The following DLGAP2 variants were observed in gnomAD, a reference collection of about 807,000 sequenced individuals.
DLGAP2 encodes disks large-associated protein 2.
In DLGAP2, 26 loss-of-function variants were observed where a neutral mutation model predicts 100.3. The ratio of observed to expected loss-of-function variants is 0.26; its 90% CI spans 0.19 to 0.36. DLGAP2 has a LOEUF of 0.36. Among genes scored for constraint, DLGAP2 ranks in the 10% least tolerant of loss-of-function variants. The probability of loss-of-function intolerance (pLI) is 1.00; values close to 1 mark genes in which losing one functional copy is unlikely to be tolerated. For missense variants in DLGAP2, 1,858 were observed against 1,453.2 expected (o/e 1.28, Z -4.53); for synonymous variants, 886 against 630.1 (o/e 1.41, Z -6.08).
rs543841114 is a variant in DLGAP2, at chr8:1,658,805, A to G, written c.1811-9524A>G. 3.3e-5 allele frequency among the ~76,000 whole-genome samples: 5 copies of G among 152,010 alleles called. No individual in the cohort carries two copies. In the South Asian group the frequency reaches 8.3e-4, roughly 25 times the overall value. On this transcript the variant is annotated intron_variant, in intron 8 of 14. Coordinates refer to ENST00000637795, the MANE Select transcript of DLGAP2 (RefSeq NM_001346810.2). ...TTTTCCTGGATTCATTGATGTTTGG[A>G]AGGTTTTTTTGTGTCTCTATCTCCT...
chr8:1,156,639 G>GGCTCAGCGCCCCAGCCCAGCGCCCCA (rs1796796324), intron 2 of DLGAP2, among the ~76,000 whole-genome samples: 1 of 147,438 alleles, frequency 6.8e-6, no homozygotes, highest in East Asian at 2.0e-4. Flanking sequence ...CCAGCGCCCC[G>GGCTCAGCGCCCCAGCCCAGCGCCCCA]GCTCAGCGCC....
chr8:994,313 G>C (rs1284804709), intron 2 of DLGAP2, among the ~76,000 whole-genome samples: 5 of 152,138 alleles, frequency 3.3e-5, no homozygotes, highest in African/African-American at 9.7e-5. Flanking sequence ...CGATTCTCCT[G>C]CCTTAGCCTC....
At chr8:1,006,508 G>A (rs1801114362) in intron 2 of DLGAP2, among the ~76,000 whole-genome samples, 1 of 112,844 alleles carries the variant, frequency 8.9e-6, no homozygotes, top group Admixed American at 9.8e-5. Flanking sequence ...TCAAGTCTCA[G>A]GATGTGGTCC....
intron 2 of DLGAP2, among the ~76,000 whole-genome samples, chr8:1,208,703 T>C (rs905987304): frequency 6.6e-6 from 1 of 152,100 alleles, no homozygotes; most frequent in Non-Finnish European, 1.5e-5. Context: ...AGTTCACTGA[T>C]GATATGATTT....
intron 6 of DLGAP2, among the ~76,000 whole-genome samples, chr8:1,576,599 T>G (rs1286701910): frequency 3.3e-5 from 5 of 152,228 alleles, no homozygotes; most frequent in Non-Finnish European, 7.3e-5. Context: ...TTTATGGTTT[T>G]AGGTCTAACA....
At chr8:1,272,437 T>C (rs967613066) in intron 3 of DLGAP2, among the ~76,000 whole-genome samples, 1 of 151,938 alleles carries the variant, frequency 6.6e-6, no homozygotes, top group Non-Finnish European at 1.5e-5. Flanking sequence ...ATAGAAGTTA[T>C]GTACGTATCT....
At chr8:875,241 TTTAATA>T (rs1197718320) in intron 1 of DLGAP2, among the ~76,000 whole-genome samples, 1 of 152,178 alleles carries the variant, frequency 6.6e-6, no homozygotes, top group East Asian at 1.9e-4. Flanking sequence ...TCCATTCACA[TTTAATA>T]TTATCATTGA....
chr8:1,633,202 G>T (rs915311793), intron 8 of DLGAP2, among the ~76,000 whole-genome samples, 156 bp downstream of exon 8: 1 of 152,154 alleles, frequency 6.6e-6, no homozygotes, highest in Non-Finnish European at 1.5e-5. Context: ...TGTCACATTC[G>T]CAAGGGTGTT....
At chr8:963,458 A>C (rs566517098) in intron 2 of DLGAP2, among the ~76,000 whole-genome samples, 70 of 152,324 alleles carry the variant, frequency 4.6e-4, no homozygotes, top group African/African-American at 1.6e-3. Flanking sequence ...TATATGGTAC[A>C]TATATGCATT....
At chr8:1,312,026 G>T (rs932400711) in intron 3 of DLGAP2, among the ~76,000 whole-genome samples, 1 of 152,150 alleles carries the variant, frequency 6.6e-6, no homozygotes. Context: ...GCAATGACAG[G>T]GTTGAACTGA....
chr8:1,126,930 G>A (rs1360213212), intron 2 of DLGAP2, among the ~76,000 whole-genome samples: 5 of 151,616 alleles, frequency 3.3e-5, no homozygotes, highest in South Asian at 4.2e-4. Flanking sequence ...CGCTTGTGCC[G>A]GCCTTATGAG....
At chr8:1,170,323 A>G (rs1207006485) in intron 2 of DLGAP2, among the ~76,000 whole-genome samples, 22 of 151,910 alleles carry the variant, frequency 1.4e-4, no homozygotes, top group Non-Finnish European at 2.5e-4. Context: ...ATGTTCATCA[A>G]GGATATTGGT....
At chr8:957,289 G>A (rs1032980827) in intron 2 of DLGAP2, among the ~76,000 whole-genome samples, 2 of 152,250 alleles carry the variant, frequency 1.3e-5, no homozygotes, top group African/African-American at 4.8e-5. Flanking sequence ...TGGCACCACG[G>A]ATGACCCTGG....
chr8:1,358,610 C>T (rs149899556), intron 3 of DLGAP2, among the ~76,000 whole-genome samples: 121 of 152,276 alleles, frequency 7.9e-4, no homozygotes, highest in East Asian at 4.8e-3. Context: ...GTGAAAGCAG[C>T]GTTTGGACGG....
intron 3 of DLGAP2, among the ~76,000 whole-genome samples, chr8:1,485,549 C>T (rs970184405): frequency 1.3e-5 from 2 of 152,240 alleles, no homozygotes; most frequent in Admixed American, 1.3e-4. Flanking sequence ...GTGTGTCCCA[C>T]GTTGCGTCCA....
chr8:1,476,648 G>A (rs72507649), intron 3 of DLGAP2, among the ~76,000 whole-genome samples: 449 of 152,122 alleles, frequency 3.0e-3, no homozygotes, highest in East Asian at 0.028. Flanking sequence ...GGACCCACCC[G>A]TGATGGCTGA....
intron 2 of DLGAP2, among the ~76,000 whole-genome samples, chr8:1,061,358 C>T (rs564149078): frequency 2.6e-5 from 4 of 152,208 alleles, no homozygotes; most frequent in Non-Finnish European, 4.4e-5. Flanking sequence ...TAGGCCTGGG[C>T]GGTGTGGAAG....
chr8:1,531,236 G>A (rs1003777206), intron 4 of DLGAP2, among the ~76,000 whole-genome samples: 2 of 84,170 alleles, frequency 2.4e-5, no homozygotes, highest in East Asian at 2.3e-4. Flanking sequence ...ATTAGAGAGC[G>A]TGTGCGTGTG....
intron 1 of DLGAP2, among the ~76,000 whole-genome samples, chr8:752,369 C>T (rs868009626): frequency 6.6e-6 from 1 of 152,236 alleles, no homozygotes; most frequent in Non-Finnish European, 1.5e-5. Flanking sequence ...GTGCCCGGGC[C>T]GGTCTCACAC....
Sources: gnomAD v4.1 joint callset for allele counts (sites outside exome capture counted in the v4.1 genomes callset) on GRCh38, gnomAD v4.1.1 for gene constraint, MANE v1.5 for transcripts, NCBI Gene and HGNC (gene_info 2026-07-23, HGNC 2026-07-21) for gene names.